DIPK2A: variants seen among roughly 807,000 people sequenced by gnomAD.
DIPK2A encodes the protein divergent protein kinase domain 2A.
In DIPK2A, 27 loss-of-function variants were observed where a neutral mutation model predicts 39.0. The ratio of observed to expected loss-of-function variants is 0.69; its 90% CI spans 0.51 to 0.96. The LOEUF (loss-of-function observed/expected upper bound fraction) is 0.96, where lower values mean the gene tolerates loss of function less well. DIPK2A is among the 40% of genes least tolerant of loss of function. The pLI is 0.00. For synonymous variants in DIPK2A, 298 were observed against 240.8 expected (o/e 1.24, Z -2.20); for missense variants, 528 against 571.3 (o/e 0.92, Z 0.77).
At position 143,971,991 on chromosome 3, in the gene DIPK2A, CACG is replaced by C. The variant is rs1472211717; in HGVS notation, c.-341_-339del. 1 of 271,078 alleles carries C rather than the reference CACG, an allele frequency of 3.7e-6. No individual in the cohort carries two copies. Among genetic ancestry groups the C allele is most frequent in the Non-Finnish European group, 6.9e-6 (1 of 144,858 alleles). 16.8% of individuals were successfully genotyped at this position (271,078 alleles called of 1,614,324 possible). ...AGCCAGCAGTGCGCGTGCGCGCGGG[CACG>C]GGCGCGCGACCGTCGGGTCCCCGCG... On this transcript the variant is annotated 5_prime_UTR_variant, in exon 1 of 3. Transcript: ENST00000315691.
chr3:143,990,181 CTTAG>C lies in DIPK2A; in HGVS notation c.*343_*346del, dbSNP rs1340831623. ...CTTGTGTATCAAAGGGTACTTGGTA[CTTAG>C]TTTGCATTTACTATCATGATTTTGT... On this transcript the variant is annotated 3_prime_UTR_variant, in exon 3 of 3. Coordinates refer to ENST00000315691, the MANE Select transcript of DIPK2A (RefSeq NM_173552.5). The C allele has an allele frequency of 5.4e-6, 1 of 185,010 alleles. No individual in the cohort carries two copies. The highest frequency in any genetic ancestry group is 2.3e-5 in the African/African-American group (1 of 42,680). 11.5% of individuals were successfully genotyped at this position (185,010 alleles called of 1,614,324 possible).
intron 1 of DIPK2A, 196 bp downstream of exon 1, chr3:143,973,185 A>C: frequency 1.0e-6 from 1 of 995,754 alleles, no homozygotes. Context: ...CCGCTGATGG[A>C]GAGTCTGCTC....
At position 143,971,959 on chromosome 3, in the gene DIPK2A, T is replaced by A. The variant is rs181306486; in HGVS notation, c.-374T>A. The A allele has an allele frequency of 1.4e-5, 3 of 219,054 alleles. No homozygotes were observed. In the East Asian group the frequency reaches 2.7e-4, roughly 20 times the overall value. The allele number at this position is 219,054 out of a possible 1,614,324, so 13.6% of individuals were successfully genotyped here. On this transcript the variant is annotated 5_prime_UTR_variant, in exon 1 of 3. Coordinates refer to ENST00000315691, the MANE Select transcript of DIPK2A (RefSeq NM_173552.5). ...CGTGGCTGGCTGCCGCCGCAGCTCT[T>A]GTGCGAAGCCAGCAGTGCGCGTGCG...
In DIPK2A at chr3:143,989,699, A is replaced by AG; in HGVS notation, c.1151_1152insG (p.Asp384GlufsTer5). On this transcript the variant is annotated frameshift_variant, in exon 3 of 3. Transcript: ENST00000315691. LOFTEE classifies it high-confidence loss of function. ...GGCACTTCTGGAGGACTCCTTCATG[A>AG]TCCACCAAGTGAAATTGCCAAAGAT... The AG allele has an allele frequency of 6.2e-7, 1 of 1,614,244 alleles. No individual in the cohort carries two copies. Among genetic ancestry groups the AG allele is most frequent in the Non-Finnish European group, 8.5e-7 (1 of 1,180,044 alleles).
In DIPK2A at chr3:143,990,092, G is replaced by A. The variant is rs553072902; in HGVS notation, c.*251G>A. On this transcript the variant is annotated 3_prime_UTR_variant, in exon 3 of 3. Transcript: ENST00000315691. ...GTCATCAGCTGCTCCCCACTACCCC[G>A]GAATGCTTGAGTGGATTAATGAATA... is the stretch of plus-strand genomic sequence containing the variant. 9.6e-5 allele frequency: 43 copies of A among 445,640 alleles called. No individual in the cohort carries two copies. The highest frequency in any genetic ancestry group is 3.6e-5 in the Non-Finnish European group (9 of 249,194). 27.6% of individuals were successfully genotyped at this position (445,640 alleles called of 1,614,324 possible). A position where few individuals can be genotyped will look rare whatever the true frequency, so the allele number is the denominator to read the frequency against.
In DIPK2A at chr3:143,972,276, C is replaced by A. The variant is rs373697859; in HGVS notation, c.-57C>A. ...CTGCCGGTAGCTCTCCGGGTCTTGG[C>A]GCGGCGGGGGCGCCCCGGGGGTGCC... is the stretch of plus-strand genomic sequence containing the variant. On this transcript the variant is annotated 5_prime_UTR_variant, in exon 1 of 3. Coordinates refer to ENST00000315691, the MANE Select transcript of DIPK2A (RefSeq NM_173552.5). 1 of 1,332,218 alleles carries A rather than the reference C, an allele frequency of 7.5e-7. No individual in the cohort carries two copies. The highest frequency in any genetic ancestry group is 9.6e-7 in the Non-Finnish European group (1 of 1,044,094). 82.5% of individuals were successfully genotyped at this position (1,332,218 alleles called of 1,614,324 possible). A position where few individuals can be genotyped will look rare whatever the true frequency, so the allele number is the denominator to read the frequency against.
rs1013180977 is a variant in DIPK2A, at chr3:143,992,158, A to G, written c.*2317A>G. On this transcript the variant is annotated 3_prime_UTR_variant, in exon 3 of 3. Transcript: ENST00000315691. ...ATCAGATATTTATTATATGGCAGCAATTTATATTTTTAATCATTGCCCATT... is the reference window on the plus strand; with the variant it reads ...ATCAGATATTTATTATATGGCAGCAGTTTATATTTTTAATCATTGCCCATT... The G allele has an allele frequency of 1.3e-4, 20 of 152,636 alleles. No individual in the cohort carries two copies. The highest frequency in any genetic ancestry group is 5.2e-4 in the Admixed American group (8 of 15,270). 9.5% of individuals were successfully genotyped at this position (152,636 alleles called of 1,614,324 possible).
chr3:143,989,767 A>G lies in DIPK2A; in HGVS notation c.1219A>G (p.Lys407Glu). Residue 407 changes from lysine to glutamate, a missense_variant, in exon 3 of 3, where the codon AAG (lysine) becomes GAG (glutamate). Physicochemically the swap from Lys to Glu is moderately conservative, Grantham distance 56. This residue lies in a region of DIPK2A where 219 missense variants were observed against 281.5 expected (regional missense o/e 0.78). Coordinates refer to ENST00000315691, the MANE Select transcript of DIPK2A (RefSeq NM_173552.5). The stretch of plus-strand genomic sequence containing the variant: ...GCTGGATGAGTGTGCCAACCCAAAG[A>G]AGCGCTATGGCAGATTCCAGGCTGC... ...ALLDECANPKKRYGRFQAAKE... is the reference protein window; with the variant it reads ...ALLDECANPKERYGRFQAAKE... 5 of 1,614,200 alleles carry G rather than the reference A, an allele frequency of 3.1e-6. No homozygotes were observed. Among genetic ancestry groups the G allele is most frequent in the Non-Finnish European group, 4.2e-6 (5 of 1,180,038 alleles).
rs1054153025 is a variant in DIPK2A, at chr3:143,990,645, A to G, written c.*804A>G. The G allele has an allele frequency of 1.3e-5, 2 of 152,614 alleles. No homozygotes were observed. Among genetic ancestry groups the G allele is most frequent in the African/African-American group, 2.4e-5 (1 of 41,464 alleles). The allele number at this position is 152,614 out of a possible 1,614,324, so 9.5% of individuals were successfully genotyped here. ...CTAAAGGCTTTAAGAAGAATATACT[A>G]GAATCTATATATTGATGTTAATTTT... On this transcript the variant is annotated 3_prime_UTR_variant, in exon 3 of 3. Transcript: ENST00000315691.
chr3:143,972,809 G>A lies in DIPK2A; in HGVS notation c.477G>A (p.Glu159=). Residue 159 remains glutamate, a synonymous_variant, in exon 1 of 3, where the codon GAG becomes GAA. Transcript: ENST00000315691. Reference sequence around the variant, plus strand: ...GCGACGTGCGTCTGCTCACGCCCGAGGCGGTGGAGGGCTGGTCGGACCTGG... The same window carrying A: ...GCGACGTGCGTCTGCTCACGCCCGAAGCGGTGGAGGGCTGGTCGGACCTGG... The part of the protein sequence containing the change: ...LNGDVRLLTP[E]AVEGWSDLVH... 1 of 1,564,412 alleles carries A rather than the reference G, an allele frequency of 6.4e-7. No homozygotes were observed. Among genetic ancestry groups the A allele is most frequent in the Non-Finnish European group, 8.6e-7 (1 of 1,158,514 alleles).
chr3:143,985,900 A>G, intron 2 of DIPK2A, 54 bp downstream of exon 2: 7 of 1,405,568 alleles, frequency 5.0e-6, no homozygotes, highest in Non-Finnish European at 6.8e-6. Context: ...TGTCAAAATA[A>G]TGTTTATACT....
rs761638940 is a variant in DIPK2A at position 143,972,721 on chromosome 3, C to G, written c.389C>G (p.Thr130Ser). The change falls in exon 1 of 3, where the codon ACC becomes AGC. Residue 130 changes from threonine (T) to serine (S), a missense_variant. Physicochemically the swap from Thr to Ser is moderately conservative, Grantham distance 58. Around this residue, in one of 2 missense-constraint regions of DIPK2A, gnomAD observed 309 missense variants for 289.8 expected, o/e 1.07. Coordinates refer to ENST00000315691, the MANE Select transcript of DIPK2A (RefSeq NM_173552.5). The part of the protein sequence containing the change: ...QLDQSICKRA[T>S]GRPRCDLLQA... ...GACCAGAGCATCTGCAAGCGGGCCA[C>G]CGGCCGGCCCCGCTGCGACCTGCTG... 2 of 1,591,882 alleles carry G rather than the reference C, an allele frequency of 1.3e-6. No homozygotes were observed. The highest frequency in any genetic ancestry group is 1.1e-5 in the South Asian group (1 of 89,642).
chr3:143,991,090 A>T lies in DIPK2A; in HGVS notation c.*1249A>T, dbSNP rs1390006339. The T allele has an allele frequency of 6.6e-6, 1 of 152,506 alleles. No individual in the cohort carries two copies. Among genetic ancestry groups the T allele is most frequent in the Non-Finnish European group, 1.5e-5 (1 of 68,002 alleles). The allele number at this position is 152,506 out of a possible 1,614,324, so 9.4% of individuals were successfully genotyped here. ...CCTAAGGGTTAAACATCAGAACATC[A>T]AATTTAATTATTTGCATAGAAATGT... On this transcript the variant is annotated 3_prime_UTR_variant, in exon 3 of 3. Coordinates refer to ENST00000315691, the MANE Select transcript of DIPK2A (RefSeq NM_173552.5).
At chr3:143,984,849 T>C (rs2087876479) in intron 1 of DIPK2A, among the ~76,000 whole-genome samples, 1 of 151,406 alleles carries the variant, frequency 6.6e-6, no homozygotes, top group African/African-American at 2.4e-5. Context: ...AGAGTGGAGG[T>C]TGCATTAATA....
Position 143,971,928 on chromosome 3 carries a change from A to C in DIPK2A, c.-405A>C. 1 of 188,262 alleles carries C rather than the reference A, an allele frequency of 5.3e-6. No individual in the cohort carries two copies. Among genetic ancestry groups the C allele is most frequent in the East Asian group, 1.3e-4 (1 of 7,928 alleles). 11.7% of individuals were successfully genotyped at this position (188,262 alleles called of 1,614,324 possible). A position where few individuals can be genotyped will look rare whatever the true frequency, so the allele number is the denominator to read the frequency against. On this transcript the variant is annotated 5_prime_UTR_variant, in exon 1 of 3. Transcript: ENST00000315691. ...AGTCCCTCCTTTCCTCGCAGACCCCACTTGTCGTGGCTGGCTGCCGCCGCA... is the reference window on the plus strand; with the variant it reads ...AGTCCCTCCTTTCCTCGCAGACCCCCCTTGTCGTGGCTGGCTGCCGCCGCA...
chr3:143,988,440 C>T (rs1348049989), intron 2 of DIPK2A, among the ~76,000 whole-genome samples: 1 of 151,816 alleles, frequency 6.6e-6, no homozygotes, highest in African/African-American at 2.4e-5. Flanking sequence ...TTTTTAATAC[C>T]CCTCCATCTA....
chr3:143,975,877 C>T (rs890416375), intron 1 of DIPK2A, among the ~76,000 whole-genome samples: 28 of 152,040 alleles, frequency 1.8e-4, no homozygotes, highest in African/African-American at 6.0e-4. Flanking sequence ...TCCAAGTATT[C>T]TTAACAAAAC....
rs1342885047 is a variant in DIPK2A, at chr3:143,972,457, A to G, written c.125A>G (p.Asn42Ser). The G allele has an allele frequency of 6.2e-7, 1 of 1,602,048 alleles. No homozygotes were observed. Among genetic ancestry groups the G allele is most frequent in the South Asian group, 1.1e-5 (1 of 89,776 alleles). Residue 42 changes from asparagine to serine, a missense_variant, in exon 1 of 3, where the codon AAC becomes AGC. Coordinates refer to ENST00000315691, the MANE Select transcript of DIPK2A (RefSeq NM_173552.5). ...TCGCTGCTCGCCTCTTGGCAGCGCAACGAACTGACCGACCGGCGCTTCCTG... is the reference window on the plus strand; with the variant it reads ...TCGCTGCTCGCCTCTTGGCAGCGCAGCGAACTGACCGACCGGCGCTTCCTG... ...SPSLLASWQR[N>S]ELTDRRFLQL...
At chr3:143,983,441 C>T (rs1559855771) in intron 1 of DIPK2A, among the ~76,000 whole-genome samples, 1 of 152,144 alleles carries the variant, frequency 6.6e-6, no homozygotes, top group Non-Finnish European at 1.5e-5. Flanking sequence ...ACTGAACAGC[C>T]TGCTCCAGAA....
Sources: gnomAD v4.1 joint callset for allele counts (sites outside exome capture counted in the v4.1 genomes callset) on GRCh38, gnomAD v4.1.1 for gene constraint, gnomAD v4.1.1 regional missense constraint, MANE v1.5 for transcripts, NCBI Gene and HGNC (gene_info 2026-07-23, HGNC 2026-07-21) for gene names.